THRB: variants seen among roughly 807,000 people sequenced by gnomAD.
The protein encoded by THRB is nuclear receptor subfamily 1 group A member 2.
Under a neutral mutation model 47.8 loss-of-function variants are expected in THRB, and 12 were observed. The observed-to-expected ratio is 0.25, with a 90% confidence interval of 0.16 to 0.41. The LOEUF (loss-of-function observed/expected upper bound fraction) is 0.41. Ranked by LOEUF, THRB falls within the 10% of genes least tolerant of loss-of-function variation. THRB has a pLI of 1.00. For synonymous variants in THRB, 218 were observed against 212.2 expected, an observed-to-expected ratio of 1.03 and a Z score of -0.24; for missense variants, 348 against 589.2, an observed-to-expected ratio of 0.59 and a Z score of 4.24.
At chr3:24,135,665 C>T (rs2148918287) in intron 8 of THRB, among the ~76,000 whole-genome samples, 1 of 152,024 alleles carries the variant, frequency 6.6e-6, no homozygotes, top group Non-Finnish European at 1.5e-5. Flanking sequence ...GGTAATGCTG[C>T]TCCCTGCAGC....
chr3:24,402,499 C>CTTTTTTTT (rs60751951), intron 1 of THRB, among the ~76,000 whole-genome samples: 2 of 134,814 alleles, frequency 1.5e-5, no homozygotes, highest in Non-Finnish European at 1.6e-5. Flanking sequence ...TTCTTTCTTC[C>CTTTTTTTT]TTTTTTTTTT....
chr3:24,475,346 A>C (rs148643063), intron 1 of THRB, among the ~76,000 whole-genome samples: 79 of 152,320 alleles, frequency 5.2e-4, no homozygotes, highest in African/African-American at 1.8e-3. Context: ...TTTAGAAATA[A>C]ATAAATGTAA....
At chr3:24,201,510 C>T (rs1221983925) in intron 4 of THRB, among the ~76,000 whole-genome samples, 2 of 152,168 alleles carry the variant, frequency 1.3e-5, no homozygotes, top group African/African-American at 4.8e-5. Flanking sequence ...GACTCACATG[C>T]ACATTAATGT....
intron 1 of THRB, among the ~76,000 whole-genome samples, chr3:24,371,083 T>C (rs1187760161): frequency 6.6e-6 from 1 of 152,130 alleles, no homozygotes. Flanking sequence ...GAGCTGGATC[T>C]CCAAGACAGT....
chr3:24,250,286 C>G (rs551455760), intron 3 of THRB, among the ~76,000 whole-genome samples: 2 of 152,150 alleles, frequency 1.3e-5, no homozygotes, highest in Non-Finnish European at 2.9e-5. Context: ...TCTCATAGCT[C>G]GCAGGTAGTA....
At chr3:24,281,071 C>T (rs1338357826) in intron 3 of THRB, among the ~76,000 whole-genome samples, 3 of 151,986 alleles carry the variant, frequency 2.0e-5, no homozygotes, top group Non-Finnish European at 4.4e-5. Context: ...CGTTCAGATT[C>T]AGGAAATACA....
In THRB at chr3:24,352,836, A is replaced by C. The variant is rs143813748; in HGVS notation, c.-260-15465T>G. The stretch of plus-strand genomic sequence containing the variant: ...TAAACACTGGCTAGTGAAATTAAGA[A>C]TGAATATTCAATTTCTTTTTTATTC... On this transcript the variant is annotated intron_variant, in intron 1 of 10. Coordinates refer to ENST00000646209, the MANE Select transcript of THRB (RefSeq NM_001354712.2). Among the ~76,000 whole-genome samples, 612 of 152,312 alleles carry C rather than the reference A, an allele frequency of 4.0e-3. 2 individuals are homozygous for C. Among genetic ancestry groups the C allele is most frequent in the African/African-American group, 0.014 (566 of 41,566 alleles).
chr3:24,182,534 T>C (rs562010084), intron 5 of THRB, among the ~76,000 whole-genome samples: 1 of 152,312 alleles, frequency 6.6e-6, no homozygotes, highest in African/African-American at 2.4e-5. Context: ...AGCCACAATA[T>C]AGTGATTATT....
chr3:24,431,143 A>G (rs959171071), intron 1 of THRB: 11 of 152,018 alleles, frequency 7.2e-5, no homozygotes, highest in Admixed American at 2.0e-4. Flanking sequence ...AAGACTGCCA[A>G]TGAAAATAAC....
At chr3:24,164,178 TCTAC>T (rs750312829) in intron 5 of THRB, among the ~76,000 whole-genome samples, 1 of 152,198 alleles carries the variant, frequency 6.6e-6, no homozygotes, top group East Asian at 1.9e-4. Context: ...TACTTAATGT[TCTAC>T]CTGTTTGCCT....
chr3:24,312,574 C>T (rs1559899846), intron 2 of THRB, among the ~76,000 whole-genome samples: 1 of 152,138 alleles, frequency 6.6e-6, no homozygotes, highest in East Asian at 1.9e-4. Flanking sequence ...TACATAAAAC[C>T]GAGCTCTCCT....
rs2067678633 is a variant in THRB, at chr3:24,404,632, G to A, written c.-260-67261C>T. ...TTTCCTTTGCAAAAATTTAACTATTGTCATGAAAAATGTTATTTATGGCAA... is the reference window on the plus strand; with the variant it reads ...TTTCCTTTGCAAAAATTTAACTATTATCATGAAAAATGTTATTTATGGCAA... On this transcript the variant is annotated intron_variant, in intron 1 of 10. Transcript: ENST00000646209. 2.0e-5 allele frequency among the ~76,000 whole-genome samples: 3 copies of A among 151,636 alleles called. No individual in the cohort carries two copies. In the South Asian group the frequency reaches 6.2e-4, roughly 32 times the overall value.
intron 1 of THRB, among the ~76,000 whole-genome samples, chr3:24,423,681 A>G (rs765925418): frequency 6.6e-6 from 1 of 151,870 alleles, no homozygotes; most frequent in Non-Finnish European, 1.5e-5. Context: ...GGACAGCAAT[A>G]GTACTATACA....
chr3:24,176,977 T>C (rs1324001404), intron 5 of THRB, among the ~76,000 whole-genome samples: 1 of 152,190 alleles, frequency 6.6e-6, no homozygotes, highest in Non-Finnish European at 1.5e-5. Flanking sequence ...CAAAAATAGA[T>C]GCAGGGCTAC....
intron 1 of THRB, among the ~76,000 whole-genome samples, chr3:24,471,633 T>C (rs2125769681): frequency 6.6e-6 from 1 of 152,276 alleles, no homozygotes; most frequent in Middle Eastern, 3.4e-3. Flanking sequence ...GTCATCCATA[T>C]CTTCATGGTG....
intron 1 of THRB, among the ~76,000 whole-genome samples, chr3:24,337,704 A>AAATGT (rs1364285142): frequency 6.6e-6 from 1 of 152,220 alleles, no homozygotes; most frequent in African/African-American, 2.4e-5. Context: ...AATAAAAGGC[A>AAATGT]AATGTGAACC....
chr3:24,459,201 G>A (rs1049129233), intron 1 of THRB: 2 of 152,042 alleles, frequency 1.3e-5, no homozygotes, highest in Non-Finnish European at 2.9e-5. Context: ...GAGAACATGT[G>A]GTGTTTGGTT....
chr3:24,158,008 A>G lies in THRB; in HGVS notation c.284-5518T>C, dbSNP rs185758218. Among the ~76,000 whole-genome samples, 47 of 152,370 alleles carry G rather than the reference A, an allele frequency of 3.1e-4. No homozygotes were observed. The East Asian group carries it at 8.5e-3, about 28-fold the overall frequency. ...GATGCAAACCACTAAGAAAGGGAAT[A>G]CGTTGATATAATGCGTTTGAGTTGG... On this transcript the variant is annotated intron_variant, in intron 5 of 10. Coordinates refer to ENST00000646209, the MANE Select transcript of THRB (RefSeq NM_001354712.2).
At chr3:24,387,651 A>G (rs1320999463) in intron 1 of THRB, among the ~76,000 whole-genome samples, 3 of 152,174 alleles carry the variant, frequency 2.0e-5, no homozygotes, top group African/African-American at 4.8e-5. Flanking sequence ...ATCAAAAAGC[A>G]CATGTTGCAA....
Sources: allele counts gnomAD v4.1 joint callset (sites outside exome capture counted in the v4.1 genomes callset), GRCh38; gene constraint gnomAD v4.1.1; transcripts MANE v1.5; gene names NCBI Gene and HGNC (gene_info 2026-07-23, HGNC 2026-07-21).